The following TENM4 variants were observed in gnomAD, a reference collection of about 807,000 sequenced individuals.
TENM4 encodes the protein teneurin transmembrane protein 4.
TENM4 carries 82 observed loss-of-function variants against 243.3 expected under a neutral mutation model. The observed-to-expected ratio is 0.34, with a 90% confidence interval of 0.28 to 0.40. TENM4 has a LOEUF of 0.40. Ranked by LOEUF, TENM4 falls within the 10% of genes least tolerant of loss-of-function variation. The pLI, the probability that TENM4 is intolerant of heterozygous loss-of-function variation, is 1.00. For missense variants in TENM4, 3,138 were observed against 3,673.3 expected, an observed-to-expected ratio of 0.85 and a Z score of 3.77; for synonymous variants, 1,412 against 1,456.3, an observed-to-expected ratio of 0.97 and a Z score of 0.69.
intron 6 of TENM4, among the ~76,000 whole-genome samples, chr11:78,994,338 A>C (rs955414478): frequency 2.6e-5 from 4 of 152,222 alleles, no homozygotes; most frequent in African/African-American, 9.6e-5. Flanking sequence ...GCATTTAATC[A>C]AAGGCTCATG....
chr11:78,857,245 A>G (rs1858702856), intron 10 of TENM4, among the ~76,000 whole-genome samples: 1 of 152,214 alleles, frequency 6.6e-6, no homozygotes, highest in African/African-American at 2.4e-5. Flanking sequence ...CTTCCTGGGT[A>G]TCCTGGTTCC....
intron 5 of TENM4, 28 bp from the exon 6 acceptor site, chr11:79,065,035 T>C (rs1591254752): frequency 6.9e-7 from 1 of 1,451,744 alleles, no homozygotes; most frequent in Non-Finnish European, 9.1e-7. Context: ...TGAACTTGGT[T>C]AGGGCACTGA....
At chr11:79,207,035 C>T (rs575601537) in intron 3 of TENM4, among the ~76,000 whole-genome samples, 1 of 152,254 alleles carries the variant, frequency 6.6e-6, no homozygotes, top group East Asian at 1.9e-4. Context: ...TAGAAATGCC[C>T]CCATGTGCCC....
chr11:78,778,388 G>A (rs1204501800), intron 17 of TENM4, among the ~76,000 whole-genome samples: 1 of 152,120 alleles, frequency 6.6e-6, no homozygotes, highest in African/African-American at 2.4e-5. Context: ...GCATCTTGTG[G>A]GGAGAATGAC....
intron 4 of TENM4, among the ~76,000 whole-genome samples, chr11:79,087,599 C>T (rs748259582): frequency 4.6e-5 from 7 of 152,228 alleles, no homozygotes; most frequent in African/African-American, 7.2e-5. Flanking sequence ...GATCTGTCCT[C>T]GGCCCTGGGC....
At chr11:79,072,672 T>C (rs1259504267) in intron 4 of TENM4, among the ~76,000 whole-genome samples, 1 of 152,210 alleles carries the variant, frequency 6.6e-6, no homozygotes, top group African/African-American at 2.4e-5. Flanking sequence ...TGATTATAAC[T>C]CTAAATTGAT....
chr11:79,430,449 G>A lies in TENM4; in HGVS notation c.-321+10060C>T, dbSNP rs561181726. ...TGCCATTCACAAGCCCTTATGGCAG[G>A]GGTCATGTTGAGTAACCACCTGATG... is the stretch of plus-strand genomic sequence containing the variant. On this transcript the variant is annotated intron_variant, in intron 1 of 33. Transcript: ENST00000278550. Among the ~76,000 whole-genome samples the A allele has an allele frequency of 9.2e-5, 14 of 152,320 alleles. No homozygotes were observed. The South Asian group carries it at 2.7e-3, about 29-fold the overall frequency.
intron 4 of TENM4, among the ~76,000 whole-genome samples, chr11:79,139,014 TTC>T (rs1278003215): frequency 0.21 from 13,937 of 66,578 alleles, 3,682 homozygotes; most frequent in Non-Finnish European, 0.25. Context: ...TATATTATAT[TTC>T]TATAAATATA....
chr11:79,187,321 A>G (rs987457427), intron 3 of TENM4, among the ~76,000 whole-genome samples: 17 of 152,340 alleles, frequency 1.1e-4, no homozygotes, highest in Admixed American at 1.3e-4. Flanking sequence ...CCTATCTGTC[A>G]GGAAGACGAG....
chr11:79,102,248 G>T (rs1861250853), intron 4 of TENM4, among the ~76,000 whole-genome samples: 1 of 152,174 alleles, frequency 6.6e-6, no homozygotes, highest in East Asian at 1.9e-4. Context: ...TAAACAGAAG[G>T]AATAGGCATC....
intron 6 of TENM4, among the ~76,000 whole-genome samples, chr11:78,952,545 A>G (rs1857128611): frequency 6.6e-6 from 1 of 152,216 alleles, no homozygotes; most frequent in Non-Finnish European, 1.5e-5. Context: ...CATAGTAGGA[A>G]TGTTTTGGCT....
chr11:79,260,441 C>T (rs918059792), intron 2 of TENM4, among the ~76,000 whole-genome samples: 1 of 152,170 alleles, frequency 6.6e-6, no homozygotes, highest in Non-Finnish European at 1.5e-5. Flanking sequence ...TCTTACTTAG[C>T]TTTTACAATC....
At chr11:78,778,913 C>A (rs1244564356) in intron 16 of TENM4, among the ~76,000 whole-genome samples, 1 of 152,168 alleles carries the variant, frequency 6.6e-6, no homozygotes, top group Non-Finnish European at 1.5e-5. Flanking sequence ...ATAAGGAAAA[C>A]AGACAAAGAA....
At chr11:79,179,757 T>C (rs1863245712) in intron 3 of TENM4, among the ~76,000 whole-genome samples, 1 of 151,810 alleles carries the variant, frequency 6.6e-6, no homozygotes, top group Admixed American at 6.6e-5. Flanking sequence ...GAGTTTGACA[T>C]ATAGAAGGTG....
Position 78,928,974 on chromosome 11 carries a change from C to T in TENM4, c.494-25451G>A, listed in dbSNP as rs185975097. ...ATGAAAAATGCACTGGCAGAATGAA[C>T]GAGAGCAGAGTGAATTGTGAACCTC... On this transcript the variant is annotated intron_variant, in intron 6 of 33. Coordinates refer to ENST00000278550, the MANE Select transcript of TENM4 (RefSeq NM_001098816.3). Among the ~76,000 whole-genome samples, 397 of 152,294 alleles carry T rather than the reference C, an allele frequency of 2.6e-3. 6 individuals carry two copies. The highest frequency in any genetic ancestry group is 4.8e-3 in the Admixed American group (73 of 15,294).
intron 3 of TENM4, among the ~76,000 whole-genome samples, chr11:79,215,324 C>T (rs554899650): frequency 6.6e-6 from 1 of 152,306 alleles, no homozygotes; most frequent in East Asian, 1.9e-4. Context: ...GACCACCTGC[C>T]TTCTGGACAG....
At position 78,670,229 on chromosome 11, in the gene TENM4, C is replaced by T; in HGVS notation, c.6116G>A (p.Gly2039Asp). 2 of 1,613,920 alleles carry T rather than the reference C, an allele frequency of 1.2e-6. No homozygotes were observed. The highest frequency in any genetic ancestry group is 3.3e-4 in the Middle Eastern group (2 of 6,060). The stretch of plus-strand genomic sequence containing the variant: ...CTGTAGGTTGATGGTCTTCAGCATG[C>T]CTGCCGTCTCGTCATAGGTGAAACT... The part of the protein sequence containing the change: ...KVSFTYDETA[G>D]MLKTINLQNE... The change falls in exon 32 of 34, where the codon GGC becomes GAC. Residue 2039 changes from glycine to aspartate, a missense_variant. Physicochemically the swap from Gly to Asp is moderately conservative, Grantham distance 94. Around this residue, in one of 2 missense-constraint regions of TENM4, gnomAD observed 2,467 missense variants for 3,059.1 expected, o/e 0.81. Coordinates refer to ENST00000278550, the MANE Select transcript of TENM4 (RefSeq NM_001098816.3).
intron 1 of TENM4, among the ~76,000 whole-genome samples, chr11:79,304,009 G>C (rs746814617): frequency 3.3e-5 from 5 of 152,158 alleles, no homozygotes; most frequent in Non-Finnish European, 7.3e-5. Flanking sequence ...AGTGGGAATG[G>C]AATATGAGAT....
chr11:79,389,660 A>G (rs145486399), intron 1 of TENM4, among the ~76,000 whole-genome samples: 20 of 152,348 alleles, frequency 1.3e-4, no homozygotes, highest in Non-Finnish European at 2.4e-4. Flanking sequence ...TTTGCAATCA[A>G]TTTCATTGTA....
Sources: allele counts gnomAD v4.1 joint callset (sites outside exome capture counted in the v4.1 genomes callset), GRCh38; gene constraint gnomAD v4.1.1; regional missense constraint gnomAD v4.1.1; transcripts MANE v1.5; gene names NCBI Gene and HGNC (gene_info 2026-07-23, HGNC 2026-07-21).